P3H2: variants seen among roughly 807,000 people sequenced by gnomAD.
P3H2 encodes the protein leprecan-like 1.
Under a neutral mutation model 87.0 loss-of-function variants are expected in P3H2, and 80 were observed. That is an observed-to-expected ratio of 0.92 (90% CI 0.77 to 1.11). The LOEUF (loss-of-function observed/expected upper bound fraction) is 1.11, where lower values mean the gene tolerates loss of function less well. Ranked by LOEUF, P3H2 falls within the 50% of genes least tolerant of loss-of-function variation. P3H2 has a pLI of 0.00. For synonymous variants in P3H2, 367 were observed against 359.3 expected (o/e 1.02, Z -0.24); for missense variants, 1,001 against 923.9 (o/e 1.08, Z -1.08).
chr3:190,114,447 A>C (rs1712211548), intron 1 of P3H2, among the ~76,000 whole-genome samples: 1 of 151,960 alleles, frequency 6.6e-6, no homozygotes, highest in Non-Finnish European at 1.5e-5. Flanking sequence ...CGGCCTCCCA[A>C]AGTGCTGGGA....
chr3:190,055,813 C>G (rs561589197), intron 1 of P3H2, among the ~76,000 whole-genome samples: 1 of 152,278 alleles, frequency 6.6e-6, no homozygotes, highest in South Asian at 2.1e-4. Flanking sequence ...CTTTCTATAA[C>G]AATTCCATGG....
chr3:190,021,202 A>G (rs1724919290), intron 1 of P3H2, among the ~76,000 whole-genome samples: 1 of 134,568 alleles, frequency 7.4e-6, no homozygotes, highest in African/African-American at 2.6e-5. Context: ...AAAACAACAA[A>G]AAGTGCTTGC....
chr3:189,994,942 T>G (rs1043536646), intron 2 of P3H2, among the ~76,000 whole-genome samples: 2 of 152,010 alleles, frequency 1.3e-5, no homozygotes, highest in African/African-American at 4.8e-5. Flanking sequence ...AGGTATAAAA[T>G]AAGAGTATCA....
Position 189,973,034 on chromosome 3 carries a change from A to AC in P3H2, c.1549-11_1549-10insG, listed in dbSNP as rs528953692. 4.1e-4 allele frequency: 654 copies of AC among 1,603,180 alleles called. 7 individuals carry two copies. In the South Asian group the frequency reaches 5.1e-3, roughly 13 times the overall value. On this transcript the variant is annotated splice_polypyrimidine_tract_variant and intron_variant, in intron 10 of 14. Coordinates refer to ENST00000319332, the MANE Select transcript of P3H2 (RefSeq NM_018192.4). ...GACCTTCATAACCAGACTGAAAAAA[A>AC]AAAACAAAACATGAGAAACAAATGG...
Position 190,067,515 on chromosome 3 carries a change from C to T in P3H2, c.480+52737G>A, listed in dbSNP as rs79234191. On this transcript the variant is annotated intron_variant, in intron 1 of 14. Coordinates refer to ENST00000319332, the MANE Select transcript of P3H2 (RefSeq NM_018192.4). Reference sequence around the variant, plus strand: ...TGACAAATTCTCAGATAAATGCTACCATTCTATGTTATCTCAATTTCTCTA... The same window carrying T: ...TGACAAATTCTCAGATAAATGCTACTATTCTATGTTATCTCAATTTCTCTA... Among the ~76,000 whole-genome samples, 1,595 of 152,138 alleles carry T rather than the reference C, an allele frequency of 0.01. 109 individuals carry two copies. The East Asian group carries it at 0.2, about 19-fold the overall frequency.
intron 1 of P3H2, among the ~76,000 whole-genome samples, chr3:190,100,261 C>CACAAA (rs1560401375): frequency 6.9e-5 from 9 of 130,986 alleles, no homozygotes; most frequent in African/African-American, 1.6e-4. Flanking sequence ...CCCCCCCCCC[C>CACAAA]AAAAAAAACA....
intron 1 of P3H2, among the ~76,000 whole-genome samples, chr3:190,044,745 G>A (rs912242006): frequency 6.6e-6 from 1 of 152,156 alleles, no homozygotes; most frequent in African/African-American, 2.4e-5. Flanking sequence ...AGTGAATTGC[G>A]ATGCCTCTAT....
intron 1 of P3H2, among the ~76,000 whole-genome samples, chr3:190,029,545 T>G (rs1374433606): frequency 6.6e-6 from 1 of 152,122 alleles, no homozygotes; most frequent in Non-Finnish European, 1.5e-5. Flanking sequence ...ATGCACTTGA[T>G]ATAATTTCTG....
intron 10 of P3H2, among the ~76,000 whole-genome samples, chr3:189,973,511 C>CTTTTTTTTTTTTTTTTTTTTT (rs869099221): frequency 2.8e-5 from 1 of 35,464 alleles, no homozygotes; most frequent in Admixed American, 5.0e-4. Context: ...TTCTTTCTTT[C>CTTTTTTTTTTTTTTTTTTTTT]TTTTTTTTTT....
chr3:189,972,333 A>C (rs901836391), intron 11 of P3H2, among the ~76,000 whole-genome samples: 9 of 152,326 alleles, frequency 5.9e-5, no homozygotes, highest in African/African-American at 1.9e-4. Context: ...AGGAAATGAA[A>C]ATTTTTTAAA....
At chr3:190,024,549 A>AG (rs1003874746) in intron 1 of P3H2, among the ~76,000 whole-genome samples, 2 of 150,974 alleles carry the variant, frequency 1.3e-5, no homozygotes, top group African/African-American at 4.9e-5. Flanking sequence ...AAAAAAAAAA[A>AG]AAAAGAAAGA....
chr3:190,099,414 T>C (rs1441763847), intron 1 of P3H2, among the ~76,000 whole-genome samples: 1 of 152,214 alleles, frequency 6.6e-6, no homozygotes, highest in Non-Finnish European at 1.5e-5. Context: ...ACAACGGGTA[T>C]ATATGCAGGG....
In P3H2 at chr3:189,973,220, G is replaced by A. The variant is rs572040330; in HGVS notation, c.1549-196C>T. ...AACTCTTCCCAATAACAGATGGAAA[G>A]CTAAAAGCTACTTGGTTCCTCTTCT... is the stretch of plus-strand genomic sequence containing the variant. On this transcript the variant is annotated intron_variant, in intron 10 of 14. Transcript: ENST00000319332. The A allele has an allele frequency of 8.6e-6, 5 of 581,410 alleles. No individual in the cohort carries two copies. In the African/African-American group the frequency reaches 9.3e-5, roughly 11 times the overall value. The allele number at this position is 581,410 out of a possible 1,614,324, so 36.0% of individuals were successfully genotyped here. A position where few individuals can be genotyped will look rare whatever the true frequency, so the allele number is the denominator to read the frequency against.
rs955019921 is a variant in P3H2 at position 189,957,197 on chromosome 3, C to T, written c.*715G>A. 2 of 398,750 alleles carry T rather than the reference C, an allele frequency of 5.0e-6. No individual in the cohort carries two copies. The highest frequency in any genetic ancestry group is 8.8e-6 in the Non-Finnish European group (2 of 226,224). The allele number at this position is 398,750 out of a possible 1,614,324, so 24.7% of individuals were successfully genotyped here. A position where few individuals can be genotyped will look rare whatever the true frequency, so the allele number is the denominator to read the frequency against. On this transcript the variant is annotated 3_prime_UTR_variant, in exon 15 of 15. Transcript: ENST00000319332. ...TCTCCCGGAGCCTGGGTGATCATTA[C>T]GCCCATGATACCTGAGGCAGCGTGG...
At chr3:190,104,466 T>A (rs930984271) in intron 1 of P3H2, among the ~76,000 whole-genome samples, 2 of 152,214 alleles carry the variant, frequency 1.3e-5, no homozygotes, top group African/African-American at 4.8e-5. Flanking sequence ...TTAAATATTA[T>A]TATAAAATAT....
chr3:190,056,404 G>A (rs779510878), intron 1 of P3H2, among the ~76,000 whole-genome samples: 5 of 152,220 alleles, frequency 3.3e-5, no homozygotes, highest in Admixed American at 6.5e-5. Context: ...CTATATTCCC[G>A]AGTACTCAAC....
chr3:189,968,936 G>C (rs1723084089), intron 13 of P3H2: 1 of 168,322 alleles, frequency 5.9e-6, no homozygotes, highest in South Asian at 1.6e-4. Flanking sequence ...ACTTTTTGAT[G>C]GGGTTGTTTG....
chr3:189,966,882 T>C (rs1723022627), intron 13 of P3H2, among the ~76,000 whole-genome samples: 1 of 152,252 alleles, frequency 6.6e-6, no homozygotes. Context: ...GCGTTTGTGC[T>C]GTAATTGTCT....
At chr3:189,966,127 G>GAAAGAAAGAA (rs1486749034) in intron 13 of P3H2, among the ~76,000 whole-genome samples, 27 of 34,496 alleles carry the variant, frequency 7.8e-4, no homozygotes, top group Non-Finnish European at 9.2e-4. Context: ...GAAAGAAAAA[G>GAAAGAAAGAA]AAAGAAAGAA....
Sources: gnomAD v4.1 joint callset for allele counts (sites outside exome capture counted in the v4.1 genomes callset) on GRCh38, gnomAD v4.1.1 for gene constraint, MANE v1.5 for transcripts, NCBI Gene and HGNC (gene_info 2026-07-23, HGNC 2026-07-21) for gene names.